Variants in CDH18 observed in about 807,000 individuals in gnomAD.
The protein encoded by CDH18 is cadherin 18, also known as cadherin-18.
A neutral mutation model predicts 67.9 loss-of-function variants in CDH18; 31 were observed. The observed-to-expected ratio is 0.46, with a 90% CI of 0.34 to 0.62. The LOEUF (loss-of-function observed/expected upper bound fraction) is 0.62. Ranked by LOEUF, CDH18 falls within the 20% of genes least tolerant of loss-of-function variation. CDH18 has a pLI of 0.01. For synonymous variants in CDH18, 362 were observed against 347.2 expected (o/e 1.04, Z -0.48); for missense variants, 890 against 975.5 (o/e 0.91, Z 1.17).
At chr5:19,825,542 GC>G in intron 3 of CDH18, among the ~76,000 whole-genome samples, 1 of 152,044 alleles carries the variant, frequency 6.6e-6, no homozygotes, top group Non-Finnish European at 1.5e-5. Flanking sequence ...GCCAACTGTT[GC>G]CCCTGTCTGA....
At chr5:20,260,113 T>C (rs548010644) in intron 1 of CDH18, among the ~76,000 whole-genome samples, 4 of 151,804 alleles carry the variant, frequency 2.6e-5, no homozygotes, top group African/African-American at 7.2e-5. Flanking sequence ...CCAAGAGCCA[T>C]AGCCTTTAGA....
intron 12 of CDH18, among the ~76,000 whole-genome samples, chr5:19,480,408 A>G (rs1016487604): frequency 6.7e-6 from 1 of 150,044 alleles, no homozygotes; most frequent in Non-Finnish European, 1.5e-5. Flanking sequence ...ATGGAGTCTC[A>G]CTCTGTCATC....
intron 2 of CDH18, among the ~76,000 whole-genome samples, chr5:20,172,190 G>GTGTGTATATATATA (rs1342353318): frequency 2.1e-3 from 50 of 23,326 alleles, no homozygotes; most frequent in African/African-American, 6.8e-3. Context: ...AGCATTGTGT[G>GTGTGTATATATATA]TATATATATA....
intron 2 of CDH18, among the ~76,000 whole-genome samples, chr5:20,046,664 A>ATG (rs200535661): frequency 6.7e-5 from 10 of 148,806 alleles, no homozygotes; most frequent in South Asian, 4.2e-4. Flanking sequence ...CTGTGTGAAT[A>ATG]TGTGTGTGTG....
chr5:20,134,071 G>A (rs1010532169), intron 2 of CDH18, among the ~76,000 whole-genome samples: 9 of 152,132 alleles, frequency 5.9e-5, no homozygotes, highest in Admixed American at 5.2e-4. Flanking sequence ...CTGGGTTCAA[G>A]TGATTCTCCT....
At chr5:19,664,355 T>C (rs969898438) in intron 5 of CDH18, among the ~76,000 whole-genome samples, 3 of 151,936 alleles carry the variant, frequency 2.0e-5, no homozygotes, top group African/African-American at 7.2e-5. Context: ...ATCACCCCTG[T>C]AATTTGTGAT....
At chr5:19,489,865 G>A (rs1222492928) in intron 11 of CDH18, among the ~76,000 whole-genome samples, 1 of 152,138 alleles carries the variant, frequency 6.6e-6, no homozygotes, top group African/African-American at 2.4e-5. Context: ...TTAATTTAAA[G>A]AGGAGGGAAA....
chr5:19,502,332 G>A (rs1369791261), intron 11 of CDH18, among the ~76,000 whole-genome samples: 2 of 152,084 alleles, frequency 1.3e-5, no homozygotes, highest in African/African-American at 4.8e-5. Flanking sequence ...ATGGCTTAAT[G>A]TTTCCCTAAT....
At chr5:19,856,289 G>A (rs574976408) in intron 2 of CDH18, among the ~76,000 whole-genome samples, 3 of 152,184 alleles carry the variant, frequency 2.0e-5, no homozygotes, top group African/African-American at 7.2e-5. Flanking sequence ...AGTTGATTAT[G>A]GTACTAATGT....
rs766955714 is a variant in CDH18, at chr5:19,748,112, CAAAAAAAA to C, written c.229-884_229-877del. ...TGGGAGACAGAGCGAGACTCCATCT[CAAAAAAAA>C]AAAAAAAAAAAAAGAGTACTTTTTT... On this transcript the variant is annotated intron_variant, in intron 3 of 12. Coordinates refer to ENST00000382275, the MANE Select transcript of CDH18 (RefSeq NM_004934.5). 4.0e-3 allele frequency among the ~76,000 whole-genome samples: 60 copies of C among 14,860 alleles called. 3 individuals are homozygous for C. Among genetic ancestry groups the C allele is most frequent in the African/African-American group, 9.6e-3 (54 of 5,606 alleles). The allele number at this position is 14,860 out of a possible 152,430, so 9.7% of individuals were successfully genotyped here.
intron 11 of CDH18, among the ~76,000 whole-genome samples, chr5:19,500,156 T>C (rs1743003905): frequency 6.6e-6 from 1 of 151,972 alleles, no homozygotes; most frequent in South Asian, 2.1e-4. Flanking sequence ...GACCCTGCAG[T>C]CCAGCATTTT....
intron 10 of CDH18, among the ~76,000 whole-genome samples, chr5:19,516,460 C>T (rs1746016726): frequency 1.3e-5 from 2 of 152,156 alleles, no homozygotes; most frequent in Non-Finnish European, 1.5e-5. Flanking sequence ...TAGAATTTGG[C>T]TGTGAATAAG....
intron 8 of CDH18, among the ~76,000 whole-genome samples, chr5:19,548,201 T>G (rs976827633): frequency 6.6e-6 from 1 of 151,960 alleles, no homozygotes; most frequent in African/African-American, 2.4e-5. Context: ...TTTGACATTA[T>G]CAGAAATATT....
At chr5:19,924,206 C>T (rs1792833575) in intron 2 of CDH18, among the ~76,000 whole-genome samples, 1 of 152,170 alleles carries the variant, frequency 6.6e-6, no homozygotes, top group African/African-American at 2.4e-5. Flanking sequence ...GAGAGTCATG[C>T]TCCTTTGGCA....
rs117163657 is a variant in CDH18, at chr5:19,753,152, A to G, written c.229-5916T>C. Among the ~76,000 whole-genome samples, 103 of 152,288 alleles carry G rather than the reference A, an allele frequency of 6.8e-4. 1 individual carries two copies. In the East Asian group the frequency reaches 0.019, roughly 28 times the overall value. On this transcript the variant is annotated intron_variant, in intron 3 of 12. Coordinates refer to ENST00000382275, the MANE Select transcript of CDH18 (RefSeq NM_004934.5). The stretch of plus-strand genomic sequence containing the variant: ...ACACCCCCAAAAATCCTACTAGCTT[A>G]CCAGCAATGGATGCAAACCAAGAAG...
intron 2 of CDH18, among the ~76,000 whole-genome samples, chr5:20,083,364 G>A (rs978577528): frequency 6.6e-6 from 1 of 152,140 alleles, no homozygotes; most frequent in African/African-American, 2.4e-5. Flanking sequence ...CTTCACAGAT[G>A]CTGTGGTTTT....
intron 1 of CDH18, among the ~76,000 whole-genome samples, chr5:20,324,412 G>GT (rs1157396359): frequency 2.6e-5 from 4 of 152,122 alleles, no homozygotes; most frequent in Admixed American, 2.6e-4. Flanking sequence ...ATGGTGGCGG[G>GT]TGCCTGTAGT....
chr5:20,550,951 C>T (rs1274642977), intron 1 of CDH18, among the ~76,000 whole-genome samples: 1 of 152,052 alleles, frequency 6.6e-6, no homozygotes, highest in African/African-American at 2.4e-5. Flanking sequence ...GGAGCAGTTG[C>T]CAATTTCCTT....
At chr5:20,198,961 T>G (rs1739219166) in intron 2 of CDH18, among the ~76,000 whole-genome samples, 1 of 152,186 alleles carries the variant, frequency 6.6e-6, no homozygotes, top group South Asian at 2.1e-4. Flanking sequence ...AATTGAGGTT[T>G]GGGAACTTCC....
Sources: allele counts gnomAD v4.1 joint callset (sites outside exome capture counted in the v4.1 genomes callset), GRCh38; gene constraint gnomAD v4.1.1; transcripts MANE v1.5; gene names NCBI Gene and HGNC (gene_info 2026-07-23, HGNC 2026-07-21).